The following P2RY8 variants were observed in gnomAD, a reference collection of about 807,000 sequenced individuals.
The protein encoded by P2RY8 is S-geranylgeranyl-glutathione receptor P2RY8.
A neutral mutation model predicts 10.0 loss-of-function variants in P2RY8; 6 were observed. The ratio of observed to expected loss-of-function variants is 0.60; its 90% CI spans 0.33 to 1.19. The LOEUF is 1.19. P2RY8 is among the 50% of genes most tolerant of loss of function. The probability of loss-of-function intolerance (pLI) is 0.04; values close to 1 mark genes in which losing one functional copy is unlikely to be tolerated. For synonymous variants in P2RY8, 276 were observed against 252.5 expected, an observed-to-expected ratio of 1.09 and a Z score of -0.88; for missense variants, 456 against 542.0, an observed-to-expected ratio of 0.84 and a Z score of 1.58.
In P2RY8 at chrX:1,515,131, G is replaced by A. The variant is rs773100532; in HGVS notation, c.-25+21790C>T. Reference sequence around the variant, plus strand: ...ACCATATGTTGCCCAGGCTGGTCTCGAACTCCTAACCTCAAACAATCCACC... The same window carrying A: ...ACCATATGTTGCCCAGGCTGGTCTCAAACTCCTAACCTCAAACAATCCACC... On this transcript the variant is annotated intron_variant, in intron 1 of 1. Transcript: ENST00000381297. Among the ~76,000 whole-genome samples the A allele has an allele frequency of 2.7e-5, 4 of 150,094 alleles. No homozygotes were observed. In the South Asian group the frequency reaches 6.4e-4, roughly 24 times the overall value.
intron 1 of P2RY8, among the ~76,000 whole-genome samples, chrX:1,535,693 CCACACACACACA>C (rs779177116): frequency 3.2e-5 from 4 of 125,986 alleles, no homozygotes; most frequent in Admixed American, 9.1e-5. Flanking sequence ...GAAGAAACAA[CCACACACACACA>C]CACACACACA....
In P2RY8 at chrX:1,509,722, C is replaced by T. The variant is rs868475584; in HGVS notation, c.-25+27199G>A. Among the ~76,000 whole-genome samples the T allele has an allele frequency of 1.1e-4, 7 of 61,988 alleles. 1 individual carries two copies. Among genetic ancestry groups the T allele is most frequent in the African/African-American group, 4.4e-4 (6 of 13,766 alleles). 40.7% of individuals were successfully genotyped at this position (61,988 alleles called of 152,430 possible). Reference sequence around the variant, plus strand: ...CATCCATCCATTTATTCTATCTATGCATCTATGTATCTATCTATGTATCTA... The same window carrying T: ...CATCCATCCATTTATTCTATCTATGTATCTATGTATCTATCTATGTATCTA... On this transcript the variant is annotated intron_variant, in intron 1 of 1. Coordinates refer to ENST00000381297, the MANE Select transcript of P2RY8 (RefSeq NM_178129.5).
At position 1,466,112 on chromosome X, in the gene P2RY8, C is replaced by T. The variant is rs1328670204; in HGVS notation, c.447G>A (p.Leu149=). 3 of 1,611,664 alleles carry T rather than the reference C, an allele frequency of 1.9e-6. No individual in the cohort carries two copies. The highest frequency in any genetic ancestry group is 2.5e-6 in the Non-Finnish European group (3 of 1,179,544). ...YAVAACAGTW[L]LLLTALSPLA... is the part of the protein sequence containing the mutation. ...GCGGGGACAGGGCGGTCAGGAGCAGCAGCCAGGTCCCTGCACACGCGGCCA... is the reference window on the plus strand; with the variant it reads ...GCGGGGACAGGGCGGTCAGGAGCAGTAGCCAGGTCCCTGCACACGCGGCCA... The change falls in exon 2 of 2, where the codon CTG becomes CTA. Residue 149 remains leucine (L), a synonymous_variant. Transcript: ENST00000381297.
chrX:1,497,720 G>C (rs1477424658), intron 1 of P2RY8, among the ~76,000 whole-genome samples: 1 of 152,044 alleles, frequency 6.6e-6, no homozygotes, highest in Non-Finnish European at 1.5e-5. Context: ...TTGTTATTAC[G>C]CCTGGCATCT....
In P2RY8 at chrX:1,466,268, G is replaced by A. The variant is rs766166608; in HGVS notation, c.291C>T (p.Asn97=). 1.2e-6 allele frequency: 2 copies of A among 1,613,896 alleles called. No homozygotes were observed. Among genetic ancestry groups the A allele is most frequent in the South Asian group, 1.1e-5 (1 of 91,072 alleles). Residue 97 remains asparagine (N), a synonymous_variant, in exon 2 of 2, where the codon AAC becomes AAT. Coordinates refer to ENST00000381297, the MANE Select transcript of P2RY8 (RefSeq NM_178129.5). The part of the protein sequence containing the change: ...HHWVFGVLLC[N]VVTVAFYANM... The stretch of plus-strand genomic sequence containing the variant: ...TTGCGTAAAAGGCCACGGTCACCAC[G>A]TTGCAAAGCAGCACCCCGAATACCC...
In P2RY8 at chrX:1,482,588, T is replaced by C. The variant is rs748638164; in HGVS notation, c.-24-16006A>G. 1.5e-3 allele frequency among the ~76,000 whole-genome samples: 235 copies of C among 152,302 alleles called. 1 individual carries two copies. Among genetic ancestry groups the C allele is most frequent in the African/African-American group, 5.3e-3 (221 of 41,564 alleles). On this transcript the variant is annotated intron_variant, in intron 1 of 1. Coordinates refer to ENST00000381297, the MANE Select transcript of P2RY8 (RefSeq NM_178129.5). ...CTGAATGGTAGTGCCTAGGTTTTCT[T>C]CTAGGGATTTTATGGTTTTAGATCT...
At position 1,465,755 on chromosome X, in the gene P2RY8, G is replaced by T. The variant is rs2091660707; in HGVS notation, c.804C>A (p.Gly268=). 2.5e-6 allele frequency: 4 copies of T among 1,613,680 alleles called. No individual in the cohort carries two copies. In the South Asian group the frequency reaches 4.4e-5, roughly 18 times the overall value. Residue 268 remains glycine (G), a synonymous_variant, in exon 2 of 2, where the codon GGC becomes GGA. Coordinates refer to ENST00000381297, the MANE Select transcript of P2RY8 (RefSeq NM_178129.5). The stretch of plus-strand genomic sequence containing the variant: ...GCTTGTACACGTGGTAGTAGCTCTT[G>T]CCGTAGAACAGGCGGCTCACGATGT... The part of the protein sequence containing the change: ...LAHIVSRLFY[G]KSYYHVYKLT...
chrX:1,530,878 CATCT>C (rs1389374889), intron 1 of P2RY8, among the ~76,000 whole-genome samples: 3 of 151,010 alleles, frequency 2.0e-5, no homozygotes, highest in Non-Finnish European at 3.0e-5. Context: ...TTCTATCTCT[CATCT>C]ATCTATATAT....
rs1293218857 is a variant in P2RY8 at position 1,512,450 on chromosome X, A to G, written c.-25+24471T>C. ...TCATCCCAGCTACTCGGGAGGCTGAAGCAGGAGAATCGCTTGAACCTGGGA... is the reference window on the plus strand; with the variant it reads ...TCATCCCAGCTACTCGGGAGGCTGAGGCAGGAGAATCGCTTGAACCTGGGA... On this transcript the variant is annotated intron_variant, in intron 1 of 1. Coordinates refer to ENST00000381297, the MANE Select transcript of P2RY8 (RefSeq NM_178129.5). Among the ~76,000 whole-genome samples the G allele has an allele frequency of 1.1e-4, 17 of 150,876 alleles. No homozygotes were observed. In the East Asian group the frequency reaches 1.6e-3, roughly 14 times the overall value.
intron 1 of P2RY8, among the ~76,000 whole-genome samples, chrX:1,515,276 T>A (rs1234222980): frequency 1.3e-5 from 2 of 151,964 alleles, no homozygotes; most frequent in Admixed American, 1.3e-4. Context: ...AGAGATAGAA[T>A]TCCTACAGCA....
intron 1 of P2RY8, among the ~76,000 whole-genome samples, chrX:1,523,311 C>T (rs111235651): frequency 0.03 from 4,633 of 151,974 alleles, 213 homozygotes; most frequent in African/African-American, 0.093. Context: ...AAGGGTGTCA[C>T]TTTAGTCCCT....
rs2091662350 is a variant in P2RY8 at position 1,465,815 on chromosome X, G to C, written c.744C>G (p.Thr248=). 6.2e-7 allele frequency: 1 copy of C among 1,613,354 alleles called. No homozygotes were observed. The highest frequency in any genetic ancestry group is 8.5e-7 in the Non-Finnish European group (1 of 1,179,808). ...GCACGAAGTTGTTGGGGGCGAAGCA[G>C]GTGACAAAGGCCAGCAAGACCACCG... ...LAAVVLLAFV[T]CFAPNNFVLL... The change falls in exon 2 of 2, where the codon ACC becomes ACG. Residue 248 remains threonine, a synonymous_variant. Coordinates refer to ENST00000381297, the MANE Select transcript of P2RY8 (RefSeq NM_178129.5).
intron 1 of P2RY8, among the ~76,000 whole-genome samples, chrX:1,472,717 TG>T (rs1306091414): frequency 9.6e-5 from 1 of 10,430 alleles, no homozygotes; most frequent in Non-Finnish European, 1.7e-4. Flanking sequence ...TGTGGATGAA[TG>T]GTGGGTGGGT....
At chrX:1,468,530 A>C (rs1367286273) in intron 1 of P2RY8, among the ~76,000 whole-genome samples, 1 of 152,144 alleles carries the variant, frequency 6.6e-6, no homozygotes, top group East Asian at 1.9e-4. Context: ...GCCCTGACAC[A>C]GGAGGCACAG....
chrX:1,508,675 T>TC, intron 1 of P2RY8, among the ~76,000 whole-genome samples: 1 of 108,526 alleles, frequency 9.2e-6, no homozygotes, highest in South Asian at 2.8e-4. Context: ...TGTATTTATC[T>TC]ATCCATCATC....
At chrX:1,487,356 T>C (rs191523372) in intron 1 of P2RY8, among the ~76,000 whole-genome samples, 5 of 152,214 alleles carry the variant, frequency 3.3e-5, no homozygotes, top group African/African-American at 9.6e-5. Context: ...AGACGTCACA[T>C]TGAATGTTTG....
At chrX:1,478,481 ATTTAT>A (rs1436065675) in intron 1 of P2RY8, among the ~76,000 whole-genome samples, 1 of 151,368 alleles carries the variant, frequency 6.6e-6, no homozygotes, top group African/African-American at 2.4e-5. Flanking sequence ...TCTTTTATTT[ATTTAT>A]TTATTTTTTT....
At chrX:1,524,760 TCCATCCATCCATCC>T in intron 1 of P2RY8, among the ~76,000 whole-genome samples, 1 of 98,496 alleles carries the variant, frequency 1.0e-5, no homozygotes, top group South Asian at 3.0e-4. Flanking sequence ...CATCCATCCA[TCCATCCATCCATCC>T]ATCCATCCAC....
intron 1 of P2RY8, among the ~76,000 whole-genome samples, chrX:1,533,059 C>G (rs1245555422): frequency 3.7e-5 from 5 of 134,110 alleles, no homozygotes; most frequent in Non-Finnish European, 1.6e-5. Flanking sequence ...AAAGGAATGA[C>G]ACAAAGGACT....
Sources: gnomAD v4.1 joint callset for allele counts (sites outside exome capture counted in the v4.1 genomes callset) on GRCh38, gnomAD v4.1.1 for gene constraint, MANE v1.5 for transcripts, NCBI Gene and HGNC (gene_info 2026-07-23, HGNC 2026-07-21) for gene names.